SDCBP2: variants seen among roughly 807,000 people sequenced by gnomAD.
SDCBP2 encodes the protein syntenin-2.
Under a neutral mutation model 30.7 loss-of-function variants are expected in SDCBP2, and 28 were observed. The ratio of observed to expected loss-of-function variants is 0.91; its 90% CI spans 0.68 to 1.25. The LOEUF is 1.25. SDCBP2 is among the 50% of genes most tolerant of loss of function. The pLI is 0.00. For missense variants in SDCBP2, 399 were observed against 379.0 expected, an observed-to-expected ratio of 1.05 and a Z score of -0.44; for synonymous variants, 166 against 157.3, an observed-to-expected ratio of 1.06 and a Z score of -0.41.
At chr20:1,319,951 A>G (rs2088830551) in intron 2 of SDCBP2, among the ~76,000 whole-genome samples, 1 of 152,202 alleles carries the variant, frequency 6.6e-6, no homozygotes, top group East Asian at 1.9e-4. Flanking sequence ...TCTCAGCTGA[A>G]AAGTCTCCAT....
Position 1,312,351 on chromosome 20 carries a change from C to A in SDCBP2, c.718G>T (p.Val240Phe). 1 of 1,613,258 alleles carries A rather than the reference C, an allele frequency of 6.2e-7. No individual in the cohort carries two copies. Among genetic ancestry groups the A allele is most frequent in the Non-Finnish European group, 8.5e-7 (1 of 1,179,656 alleles). Residue 240 changes from valine to phenylalanine, a missense_variant, in exon 7 of 9, where the codon GTT (valine) becomes TTT (phenylalanine). Transcript: ENST00000360779. The part of the protein sequence containing the change: ...HYVCEVDGQN[V>F]IGLKDKKIME... ...CACCAGCCTACCTTCAGCCCGATAA[C>A]ATTCTGCCCGTCCACCTCACACACG... is the stretch of plus-strand genomic sequence containing the variant.
At chr20:1,318,868 C>G (rs372878234) in intron 3 of SDCBP2, among the ~76,000 whole-genome samples, 1 of 152,230 alleles carries the variant, frequency 6.6e-6, no homozygotes, top group East Asian at 1.9e-4. Context: ...TGTAAGGACT[C>G]AGCCAGAGGG....
Position 1,312,715 on chromosome 20 carries a change from C to T in SDCBP2, c.432G>A (p.Val144=), listed in dbSNP as rs766393526. 7 of 1,614,074 alleles carry T rather than the reference C, an allele frequency of 4.3e-6. 1 individual carries two copies. The South Asian group carries it at 7.7e-5, about 18-fold the overall frequency. ...LVQANTPASL[V]GLRFGDQLLQ... ...GGAGCTGGTCCCCAAAGCGCAGCCC[C>T]ACAAGGGATGCAGGGGTGTTGGCCT... The change falls in exon 6 of 9, where the codon GTG becomes GTA. Residue 144 remains valine (V), a synonymous_variant. Coordinates refer to ENST00000360779, the MANE Select transcript of SDCBP2 (RefSeq NM_080489.5).
chr20:1,312,904 T>C, intron 5 of SDCBP2, 142 bp from the exon 6 acceptor site: 1 of 855,100 alleles, frequency 1.2e-6, no homozygotes, highest in Admixed American at 2.9e-5. Flanking sequence ...GCACCAAGGT[T>C]ACCCCATTTA....
In SDCBP2 at chr20:1,310,137, A is replaced by G; in HGVS notation, c.*304T>C. The G allele has an allele frequency of 6.8e-6, 2 of 295,524 alleles. No homozygotes were observed. The allele number at this position is 295,524 out of a possible 1,614,324, so 18.3% of individuals were successfully genotyped here. A position where few individuals can be genotyped will look rare whatever the true frequency, so the allele number is the denominator to read the frequency against. ...TTTCCTGGTAGAGCAAAATTTCTTG[A>G]AAGGGGCCCAGTTGCGACTTTAAGC... On this transcript the variant is annotated 3_prime_UTR_variant, in exon 9 of 9. Coordinates refer to ENST00000360779, the MANE Select transcript of SDCBP2 (RefSeq NM_080489.5).
At chr20:1,318,463 G>A in intron 3 of SDCBP2, 45 bp from the exon 4 acceptor site, 11 of 1,271,102 alleles carry the variant, frequency 8.7e-6, no homozygotes, top group Non-Finnish European at 1.1e-5. Context: ...TAGAGGACAT[G>A]TGCTTCCCTA....
At chr20:1,319,567 G>A in intron 3 of SDCBP2, 23 bp downstream of exon 3, 1 of 1,556,678 alleles carries the variant, frequency 6.4e-7, no homozygotes, top group Non-Finnish European at 8.7e-7. Flanking sequence ...GCACCCAGGA[G>A]CCCCTCATCC....
chr20:1,326,647 C>T lies in SDCBP2; in HGVS notation c.-20+2438G>A, dbSNP rs530399659. Among the ~76,000 whole-genome samples the T allele has an allele frequency of 7.9e-5, 12 of 152,352 alleles. No individual in the cohort carries two copies. In the South Asian group the frequency reaches 2.1e-3, roughly 26 times the overall value. ...CAAGCCTCCCTTCTCTAGACGACAG[C>T]ATTTCTTGTATTTGCCTCTTCATCA... On this transcript the variant is annotated intron_variant, in intron 1 of 8. Coordinates refer to ENST00000360779, the MANE Select transcript of SDCBP2 (RefSeq NM_080489.5).
chr20:1,327,436 G>A (rs1222653827), intron 1 of SDCBP2, among the ~76,000 whole-genome samples: 1 of 152,216 alleles, frequency 6.6e-6, no homozygotes, highest in African/African-American at 2.4e-5. Context: ...AGTGTCAGAG[G>A]AATAGCTCCT....
In SDCBP2 at chr20:1,313,500, T is replaced by A; in HGVS notation, c.226-2A>T. On this transcript the variant is annotated splice_acceptor_variant, in intron 4 of 8. Transcript: ENST00000360779. LOFTEE classifies it high-confidence loss of function. The surrounding 1 kb of genome is among the most constrained non-coding windows in gnomAD (Gnocchi z 5.2). Reference sequence around the variant, plus strand: ...GGGCCCGGGGCCCGAGACCGCTGTCTGCAGACACCAGGGGGCAGGGGGTCA... The same window carrying A: ...GGGCCCGGGGCCCGAGACCGCTGTCAGCAGACACCAGGGGGCAGGGGGTCA... 6.3e-7 allele frequency: 1 copy of A among 1,584,364 alleles called. No individual in the cohort carries two copies. The highest frequency in any genetic ancestry group is 8.5e-7 in the Non-Finnish European group (1 of 1,169,784).
rs577620634 is a variant in SDCBP2, at chr20:1,311,097, G to C, written c.733-206C>G. The C allele has an allele frequency of 2.9e-4, 144 of 500,570 alleles. 2 individuals carry two copies. The South Asian group carries it at 4.3e-3, about 15-fold the overall frequency. The allele number at this position is 500,570 out of a possible 1,614,324, so 31.0% of individuals were successfully genotyped here. ...AAGGTCTTGCTTGAGTGAGAACATG[G>C]GTCTCCCACCTGAGGATCTCCTTGG... is the stretch of plus-strand genomic sequence containing the variant. On this transcript the variant is annotated intron_variant, in intron 7 of 8. Transcript: ENST00000360779.
At position 1,310,355 on chromosome 20, in the gene SDCBP2, C is replaced by A; in HGVS notation, c.*86G>T. ...GCAGCCCCCACCTTAAGCAGCAGGC[C>A]GGCTGCAACCCATCATCCGAGGGTG... On this transcript the variant is annotated 3_prime_UTR_variant, in exon 9 of 9. Transcript: ENST00000360779. 7.2e-7 allele frequency: 1 copy of A among 1,394,270 alleles called. No individual in the cohort carries two copies. Among genetic ancestry groups the A allele is most frequent in the Non-Finnish European group, 1.0e-6 (1 of 990,878 alleles). 86.4% of individuals were successfully genotyped at this position (1,394,270 alleles called of 1,614,324 possible). A position where few individuals can be genotyped will look rare whatever the true frequency, so the allele number is the denominator to read the frequency against.
Position 1,313,324 on chromosome 20 carries a change from A to G in SDCBP2, c.384+16T>C. On this transcript the variant is annotated intron_variant, in intron 5 of 8. Coordinates refer to ENST00000360779, the MANE Select transcript of SDCBP2 (RefSeq NM_080489.5). The surrounding 1 kb of genome is among the most constrained non-coding windows in gnomAD (Gnocchi z 5.2). ...GCAGCTCGAGCTCCTCTTCCCACCCAGCCCCCGCGCCCTACCTGGTCGACC... is the reference window on the plus strand; with the variant it reads ...GCAGCTCGAGCTCCTCTTCCCACCCGGCCCCCGCGCCCTACCTGGTCGACC... 2 of 1,608,682 alleles carry G rather than the reference A, an allele frequency of 1.2e-6. No individual in the cohort carries two copies. The highest frequency in any genetic ancestry group is 2.2e-5 in the South Asian group (2 of 90,428).
chr20:1,313,545 T>G lies in SDCBP2; in HGVS notation c.226-47A>C. ...GGGTCAGCCCGGCCCGTGGGGACCC[T>G]GTGCCTCAGGAGACACTGGGGTGGG... On this transcript the variant is annotated intron_variant, in intron 4 of 8. Coordinates refer to ENST00000360779, the MANE Select transcript of SDCBP2 (RefSeq NM_080489.5). The surrounding 1 kb of genome is among the most constrained non-coding windows in gnomAD (Gnocchi z 5.2). 6.6e-7 allele frequency: 1 copy of G among 1,523,968 alleles called. No homozygotes were observed. The highest frequency in any genetic ancestry group is 8.8e-7 in the Non-Finnish European group (1 of 1,139,360). The allele number at this position is 1,523,968 out of a possible 1,614,324, so 94.4% of individuals were successfully genotyped here.
At chr20:1,310,538 C>T in intron 8 of SDCBP2, 43 bp from the exon 9 acceptor site, 6 of 1,591,810 alleles carry the variant, frequency 3.8e-6, no homozygotes, top group Non-Finnish European at 5.2e-6. Flanking sequence ...AGCTCCTTCT[C>T]TCCACCCTCC....
chr20:1,313,013 T>C lies in SDCBP2; in HGVS notation c.385-251A>G, dbSNP rs577789345. ...CACTCCGAAACACTCCACTGTACCA[T>C]TCACAAAGGCATGGGCTTCCCTGGC... On this transcript the variant is annotated intron_variant, in intron 5 of 8. Transcript: ENST00000360779. The surrounding 1 kb of genome is among the most constrained non-coding windows in gnomAD (Gnocchi z 5.2). 1 of 585,682 alleles carries C rather than the reference T, an allele frequency of 1.7e-6. No homozygotes were observed. Among genetic ancestry groups the C allele is most frequent in the Admixed American group, 3.1e-5 (1 of 32,760 alleles). 36.3% of individuals were successfully genotyped at this position (585,682 alleles called of 1,614,324 possible).
chr20:1,310,551 C>A, intron 8 of SDCBP2, 56 bp from the exon 9 acceptor site: 1 of 1,539,210 alleles, frequency 6.5e-7, no homozygotes, highest in Non-Finnish European at 8.9e-7. Context: ...CACCCTCCAG[C>A]AACCTCCACC....
chr20:1,312,330 A>G lies in SDCBP2; in HGVS notation c.732+7T>C. On this transcript the variant is annotated splice_region_variant and intron_variant, in intron 7 of 8. Transcript: ENST00000360779. The stretch of plus-strand genomic sequence containing the variant: ...GCAGTCCCTCCCTGGTGCGGCCACC[A>G]GCCTACCTTCAGCCCGATAACATTC... The G allele has an allele frequency of 6.2e-7, 1 of 1,611,814 alleles. No individual in the cohort carries two copies. Among genetic ancestry groups the G allele is most frequent in the South Asian group, 1.1e-5 (1 of 90,760 alleles).
At chr20:1,323,879 T>C (rs575053827) in intron 1 of SDCBP2, 1 of 152,312 alleles carries the variant, frequency 6.6e-6, no homozygotes, top group South Asian at 2.1e-4. Flanking sequence ...GTTGGATCCA[T>C]GGATGTGAAA....
Sources: allele counts gnomAD v4.1 joint callset (sites outside exome capture counted in the v4.1 genomes callset), GRCh38; gene constraint gnomAD v4.1.1; non-coding constraint Gnocchi (gnomAD v3.1); transcripts MANE v1.5; gene names NCBI Gene and HGNC (gene_info 2026-07-23, HGNC 2026-07-21).